Variants in THSD7B observed in about 807,000 individuals in gnomAD.
The protein encoded by THSD7B is thrombospondin type-1 domain-containing protein 7B.
Under a neutral mutation model 213.6 loss-of-function variants are expected in THSD7B, and 138 were observed. That is an observed-to-expected ratio of 0.65 (90% CI 0.56 to 0.74). The LOEUF (loss-of-function observed/expected upper bound fraction) is 0.74, where lower values mean the gene tolerates loss of function less well. THSD7B is among the 30% of genes least tolerant of loss of function. THSD7B has a pLI of 0.00. For missense variants in THSD7B, 1,931 were observed against 1,991.5 expected, an observed-to-expected ratio of 0.97 and a Z score of 0.58; for synonymous variants, 742 against 687.0, an observed-to-expected ratio of 1.08 and a Z score of -1.25.
chr2:137,496,568 A>G (rs893512655), intron 15 of THSD7B, among the ~76,000 whole-genome samples: 3 of 152,148 alleles, frequency 2.0e-5, no homozygotes, highest in Non-Finnish European at 4.4e-5. Context: ...AGTTATTACC[A>G]GTATAATTAC....
intron 7 of THSD7B, among the ~76,000 whole-genome samples, chr2:137,223,578 C>A (rs6430696): frequency 4.0e-5 from 6 of 151,890 alleles, no homozygotes; most frequent in Non-Finnish European, 5.9e-5. Flanking sequence ...AACAAGTTGG[C>A]GTTATTTTTA....
intron 5 of THSD7B, among the ~76,000 whole-genome samples, chr2:137,125,194 A>G (rs1390830411): frequency 1.3e-5 from 2 of 152,184 alleles, no homozygotes; most frequent in African/African-American, 4.8e-5. Flanking sequence ...GTCTGTTTCA[A>G]TTGACTCTTC....
At position 137,315,041 on chromosome 2, in the gene THSD7B, C is replaced by T. The variant is rs6745421; in HGVS notation, c.2500+39015C>T. Among the ~76,000 whole-genome samples, 731 of 152,312 alleles carry T rather than the reference C, an allele frequency of 4.8e-3. 5 individuals carry two copies. The highest frequency in any genetic ancestry group is 0.017 in the African/African-American group (701 of 41,572). On this transcript the variant is annotated intron_variant, in intron 12 of 27. Coordinates refer to ENST00000409968, the MANE Select transcript of THSD7B (RefSeq NM_001316349.2). ...GAGCTGTGTTGGGCTCCACCCAGTT[C>T]GAGCTTCCCAGCTGCTTTGTTTACC... is the stretch of plus-strand genomic sequence containing the variant.
chr2:137,653,693 T>A (rs973811560), intron 21 of THSD7B, among the ~76,000 whole-genome samples: 2 of 151,200 alleles, frequency 1.3e-5, no homozygotes, highest in East Asian at 3.9e-4. Flanking sequence ...CTCTGCTTGA[T>A]CCATTCCGCT....
intron 12 of THSD7B, among the ~76,000 whole-genome samples, chr2:137,319,718 C>A (rs1276547727): frequency 1.3e-5 from 2 of 152,186 alleles, no homozygotes; most frequent in East Asian, 3.8e-4. Flanking sequence ...CTTCACAATT[C>A]TAATTTTCTT....
At chr2:137,656,738 G>A in intron 22 of THSD7B, 58 bp from the exon 23 acceptor site, 1 of 1,530,794 alleles carries the variant, frequency 6.5e-7, no homozygotes, top group East Asian at 2.3e-5. Context: ...CCATGCAAAT[G>A]TTGTCCAGTG....
intron 1 of THSD7B, among the ~76,000 whole-genome samples, chr2:136,846,487 AG>A (rs1475042228): frequency 2.0e-5 from 3 of 152,194 alleles, no homozygotes; most frequent in African/African-American, 7.2e-5. Flanking sequence ...GCAACACCCC[AG>A]TACCTGCCTG....
intron 12 of THSD7B, among the ~76,000 whole-genome samples, chr2:137,324,260 G>A (rs1684319680): frequency 6.6e-6 from 1 of 152,148 alleles, no homozygotes; most frequent in Admixed American, 6.6e-5. Context: ...ACCTAGTGTA[G>A]TTGGACACAC....
chr2:137,551,797 G>A (rs546841890), intron 15 of THSD7B, among the ~76,000 whole-genome samples: 3 of 152,038 alleles, frequency 2.0e-5, no homozygotes, highest in Non-Finnish European at 4.4e-5. Flanking sequence ...CTCAATTTCT[G>A]TGTAGGTAAA....
chr2:137,447,866 T>C (rs2105061888), intron 14 of THSD7B, among the ~76,000 whole-genome samples: 1 of 152,130 alleles, frequency 6.6e-6, no homozygotes, highest in African/African-American at 2.4e-5. Flanking sequence ...AGAAATCAGG[T>C]GGAAATGAAG....
At chr2:137,372,649 G>A (rs1488979200) in intron 12 of THSD7B, among the ~76,000 whole-genome samples, 1 of 151,916 alleles carries the variant, frequency 6.6e-6, no homozygotes, top group East Asian at 1.9e-4. Context: ...ATAAAGAAAT[G>A]CTTGAGTTAA....
chr2:137,642,685 C>T (rs1682962358), intron 21 of THSD7B, 52 bp downstream of exon 21: 3 of 1,594,094 alleles, frequency 1.9e-6, no homozygotes, highest in Non-Finnish European at 2.6e-6. Context: ...ATTCGAAGCA[C>T]TTGTCTGGTC....
intron 2 of THSD7B, among the ~76,000 whole-genome samples, chr2:137,039,698 T>G (rs1426385120): frequency 6.6e-6 from 1 of 152,224 alleles, no homozygotes; most frequent in African/African-American, 2.4e-5. Context: ...GCAAACAGTG[T>G]CCTGCTGAAG....
At chr2:137,379,803 T>C (rs1048669976) in intron 12 of THSD7B, among the ~76,000 whole-genome samples, 3 of 152,168 alleles carry the variant, frequency 2.0e-5, no homozygotes, top group Non-Finnish European at 4.4e-5. Context: ...TCTCTATGCC[T>C]GGAAAATGCT....
intron 20 of THSD7B, among the ~76,000 whole-genome samples, chr2:137,629,685 A>G (rs1682703483): frequency 6.6e-6 from 1 of 152,194 alleles, no homozygotes; most frequent in East Asian, 1.9e-4. Context: ...TAGGGAAGGA[A>G]TGTTAACTAC....
chr2:137,528,138 G>T (rs1680313709), intron 15 of THSD7B, among the ~76,000 whole-genome samples: 1 of 152,012 alleles, frequency 6.6e-6, no homozygotes, highest in Non-Finnish European at 1.5e-5. Context: ...ACCTAAAATT[G>T]TGCCCAATCT....
At chr2:137,593,352 A>C (rs72844532) in intron 17 of THSD7B, among the ~76,000 whole-genome samples, 29,139 of 151,934 alleles carry the variant, frequency 0.19, 3,167 homozygotes, top group South Asian at 0.29. Flanking sequence ...AGCAGTTTTC[A>C]AAGTTATAGT....
chr2:136,872,759 AG>A (rs1382153873), intron 1 of THSD7B, among the ~76,000 whole-genome samples: 4 of 127,622 alleles, frequency 3.1e-5, no homozygotes, highest in African/African-American at 1.2e-4. Context: ...TCATGAGGTC[AG>A]GGGTTCAAGA....
chr2:137,375,565 C>T (rs72844345), intron 12 of THSD7B, among the ~76,000 whole-genome samples: 35,119 of 151,944 alleles, frequency 0.23, 4,560 homozygotes, highest in South Asian at 0.29. Flanking sequence ...GTGCAAGACA[C>T]GAAGGTGTAT....
Sources: allele counts gnomAD v4.1 joint callset (sites outside exome capture counted in the v4.1 genomes callset), GRCh38; gene constraint gnomAD v4.1.1; transcripts MANE v1.5; gene names NCBI Gene and HGNC (gene_info 2026-07-23, HGNC 2026-07-21).